Variants in PLXNA2 observed in about 807,000 individuals in gnomAD.
PLXNA2 encodes the protein plexin A2.
In PLXNA2, 91 loss-of-function variants were observed where a neutral mutation model predicts 193.5. The observed-to-expected ratio is 0.47, with a 90% confidence interval of 0.40 to 0.56. The LOEUF is 0.56. PLXNA2 is among the 20% of genes least tolerant of loss of function. The pLI, the probability that PLXNA2 is intolerant of heterozygous loss-of-function variation, is 0.00. For synonymous variants in PLXNA2, 997 were observed against 1,027.3 expected, an observed-to-expected ratio of 0.97 and a Z score of 0.56; for missense variants, 1,995 against 2,503.2, an observed-to-expected ratio of 0.80 and a Z score of 4.33.
At chr1:208,041,199 A>G (rs1664857502) in intron 22 of PLXNA2, among the ~76,000 whole-genome samples, 1 of 152,200 alleles carries the variant, frequency 6.6e-6, no homozygotes, top group African/African-American at 2.4e-5. Context: ...CTCATAAAGC[A>G]AAGCCATTCT....
chr1:208,159,741 C>G (rs1040676031), intron 3 of PLXNA2, among the ~76,000 whole-genome samples: 1 of 152,218 alleles, frequency 6.6e-6, no homozygotes, highest in Admixed American at 6.5e-5. Context: ...GATGCTGCTT[C>G]GCCATCTCTG....
At chr1:208,197,974 G>A (rs530703200) in intron 3 of PLXNA2, among the ~76,000 whole-genome samples, 4 of 152,198 alleles carry the variant, frequency 2.6e-5, no homozygotes, top group East Asian at 1.9e-4. Flanking sequence ...TCCCAGGTGC[G>A]CCCCATTAGC....
At position 208,193,048 on chromosome 1, in the gene PLXNA2, C is replaced by A. The variant is rs544712991; in HGVS notation, c.1371+17232G>T. ...AAACATTTTTCTGGTAGATCACAGA[C>A]CCCCTGAATCCTGGAACATAGATGA... On this transcript the variant is annotated intron_variant, in intron 3 of 31. Coordinates refer to ENST00000367033, the MANE Select transcript of PLXNA2 (RefSeq NM_025179.4). Among the ~76,000 whole-genome samples, 5 of 152,204 alleles carry A rather than the reference C, an allele frequency of 3.3e-5. No homozygotes were observed. The South Asian group carries it at 1.0e-3, about 32-fold the overall frequency.
intron 1 of PLXNA2, among the ~76,000 whole-genome samples, chr1:208,238,360 C>T (rs930938506): frequency 3.9e-5 from 6 of 152,290 alleles, no homozygotes; most frequent in South Asian, 4.1e-4. Flanking sequence ...TTTCATAACA[C>T]GATACATTTA....
chr1:208,132,865 C>T (rs1485269944), intron 4 of PLXNA2, among the ~76,000 whole-genome samples: 4 of 152,178 alleles, frequency 2.6e-5, no homozygotes, highest in African/African-American at 9.7e-5. Flanking sequence ...GCCCATTTTA[C>T]AGGTGAGGTA....
chr1:208,216,940 A>G lies in PLXNA2; in HGVS notation c.983T>C (p.Ile328Thr). The change falls in exon 2 of 32, where the codon ATC becomes ACC. Residue 328 changes from isoleucine to threonine, a missense_variant. By Grantham distance (89) the Ile-to-Thr change is moderately conservative. Around this residue, in one of 3 missense-constraint regions of PLXNA2, gnomAD observed 702 missense variants for 812.9 expected, o/e 0.86. Transcript: ENST00000367033. ...PGDSLAQAFN[I>T]TSQDDVLFAI... is the part of the protein sequence containing the mutation. The stretch of plus-strand genomic sequence containing the variant: ...AAAGAGTACATCGTCCTGGCTGGTG[A>G]TATTGAAGGCCTGGGCCAGTGAGTC... 6.2e-7 allele frequency: 1 copy of G among 1,614,078 alleles called. No homozygotes were observed. The highest frequency in any genetic ancestry group is 1.6e-4 in the Middle Eastern group (1 of 6,062).
chr1:208,158,267 C>A, intron 3 of PLXNA2, among the ~76,000 whole-genome samples: 1 of 152,210 alleles, frequency 6.6e-6, no homozygotes, highest in East Asian at 1.9e-4. Flanking sequence ...CCACCTGCGT[C>A]TCTCTTTCTC....
chr1:208,063,798 C>T (rs1665692968), intron 12 of PLXNA2, among the ~76,000 whole-genome samples: 1 of 152,292 alleles, frequency 6.6e-6, no homozygotes, highest in Non-Finnish European at 1.5e-5. Flanking sequence ...ATTTCCAAAA[C>T]ATAGATGAAG....
At chr1:208,238,808 T>C (rs1013189666) in intron 1 of PLXNA2, among the ~76,000 whole-genome samples, 2 of 152,202 alleles carry the variant, frequency 1.3e-5, no homozygotes, top group African/African-American at 4.8e-5. Context: ...AGTTGGGAGA[T>C]GGGAAGCATG....
At chr1:208,066,574 A>G (rs1294143414) in intron 12 of PLXNA2, among the ~76,000 whole-genome samples, 1 of 152,236 alleles carries the variant, frequency 6.6e-6, no homozygotes, top group Non-Finnish European at 1.5e-5. Context: ...AGCACATAAT[A>G]CTTGATAATG....
intron 13 of PLXNA2, among the ~76,000 whole-genome samples, chr1:208,059,141 C>T (rs1665534585): frequency 6.6e-6 from 1 of 152,182 alleles, no homozygotes; most frequent in South Asian, 2.1e-4. Flanking sequence ...TGTAACTGAG[C>T]ACCTTGCCTA....
intron 5 of PLXNA2, among the ~76,000 whole-genome samples, 200 bp from the exon 6 acceptor site, chr1:208,099,169 G>A (rs892416327): frequency 6.6e-6 from 1 of 152,182 alleles, no homozygotes; most frequent in Non-Finnish European, 1.5e-5. Context: ...AGAGGGAAGA[G>A]GATTAATCCC....
chr1:208,231,730 G>A (rs1353297708), intron 1 of PLXNA2, among the ~76,000 whole-genome samples: 2 of 152,232 alleles, frequency 1.3e-5, no homozygotes, highest in African/African-American at 2.4e-5. Context: ...CGCATCACCA[G>A]TTTACAGGTG....
intron 4 of PLXNA2, among the ~76,000 whole-genome samples, chr1:208,135,810 G>A (rs1456220402): frequency 6.6e-6 from 1 of 152,166 alleles, no homozygotes; most frequent in East Asian, 1.9e-4. Flanking sequence ...GGGGAATCAT[G>A]TTCTTAATGT....
chr1:208,027,652 T>G (rs1356441319), intron 31 of PLXNA2, among the ~76,000 whole-genome samples: 1 of 152,202 alleles, frequency 6.6e-6, no homozygotes, highest in Non-Finnish European at 1.5e-5. Context: ...CTAATCAATC[T>G]CTATTCATAT....
In PLXNA2 at chr1:208,072,429, C is replaced by G. The variant is rs557231383; in HGVS notation, c.2586+6831G>C. Among the ~76,000 whole-genome samples, 28 of 152,300 alleles carry G rather than the reference C, an allele frequency of 1.8e-4. 2 individuals are homozygous for G. The highest frequency in any genetic ancestry group is 6.5e-4 in the African/African-American group (27 of 41,568). ...TGGTCACACCAACTCTGGTGTTCATCTCCTGCATCTTAAGCCTGATTTGCC... is the reference window on the plus strand; with the variant it reads ...TGGTCACACCAACTCTGGTGTTCATGTCCTGCATCTTAAGCCTGATTTGCC... On this transcript the variant is annotated intron_variant, in intron 12 of 31. Transcript: ENST00000367033.
At position 208,033,352 on chromosome 1, in the gene PLXNA2, G is replaced by A. The variant is rs149054185; in HGVS notation, c.5022C>T (p.Ser1674=). The A allele has an allele frequency of 1.5e-5, 24 of 1,613,842 alleles. 1 individual carries two copies. The highest frequency in any genetic ancestry group is 5.5e-5 in the South Asian group (5 of 91,040). The part of the protein sequence containing the change: ...KEGDRGSKMV[S]EIYLTRLLAT... The stretch of plus-strand genomic sequence containing the variant: ...CCAGTAGCCGGGTCAGGTAGATCTC[G>A]GACACCATCTTGCTGCCCCGGTCAC... The change falls in exon 28 of 32, where the codon TCC becomes TCT. Residue 1674 remains serine, a synonymous_variant. Coordinates refer to ENST00000367033, the MANE Select transcript of PLXNA2 (RefSeq NM_025179.4).
chr1:208,059,502 C>T (rs747990988), intron 13 of PLXNA2, among the ~76,000 whole-genome samples: 11 of 152,198 alleles, frequency 7.2e-5, no homozygotes, highest in Non-Finnish European at 1.3e-4. Context: ...GCGAGAATCA[C>T]GGCCTGTAAG....
In PLXNA2 at chr1:208,186,741, C is replaced by T. The variant is rs1166557458; in HGVS notation, c.1371+23539G>A. Among the ~76,000 whole-genome samples, 49 of 94,438 alleles carry T rather than the reference C, an allele frequency of 5.2e-4. No homozygotes were observed. In the Middle Eastern group the frequency reaches 0.019, roughly 38 times the overall value. 62.0% of individuals were successfully genotyped at this position (94,438 alleles called of 152,430 possible). On this transcript the variant is annotated intron_variant, in intron 3 of 31. Transcript: ENST00000367033. ...TTTTTTTTTTTTTTTGAGACGGAGT[C>T]TCGCTCTGTCGCCCAGGCGGGACTG...
Sources: gnomAD v4.1 joint callset for allele counts (sites outside exome capture counted in the v4.1 genomes callset) on GRCh38, gnomAD v4.1.1 for gene constraint, gnomAD v4.1.1 regional missense constraint, MANE v1.5 for transcripts, NCBI Gene and HGNC (gene_info 2026-07-23, HGNC 2026-07-21) for gene names.